The following DUSP16 variants were observed in gnomAD, a reference collection of about 807,000 sequenced individuals.
The protein encoded by DUSP16 is dual specificity protein phosphatase 16.
DUSP16 carries 21 observed loss-of-function variants against 58.3 expected under a neutral mutation model. The ratio of observed to expected loss-of-function variants is 0.36; its 90% CI spans 0.26 to 0.52. DUSP16 has a LOEUF of 0.52. Among genes scored for constraint, DUSP16 ranks in the 20% least tolerant of loss-of-function variants. DUSP16 has a pLI of 0.94. For missense variants in DUSP16, 726 were observed against 819.0 expected, an observed-to-expected ratio of 0.89 and a Z score of 1.39; for synonymous variants, 320 against 323.8, an observed-to-expected ratio of 0.99 and a Z score of 0.12.
At chr12:12,560,269 ATTT>A (rs573489527) in intron 1 of DUSP16, among the ~76,000 whole-genome samples, 2 of 152,278 alleles carry the variant, frequency 1.3e-5, no homozygotes, top group Admixed American at 1.3e-4. Context: ...CACAGTTTAC[ATTT>A]TTTATCTGAA....
chr12:12,513,124 C>G (rs1944102066), intron 3 of DUSP16, among the ~76,000 whole-genome samples: 2 of 152,176 alleles, frequency 1.3e-5, no homozygotes, highest in Admixed American at 1.3e-4. Context: ...TAGTTAAGTT[C>G]AACTCAAAAC....
At chr12:12,518,186 C>G (rs1944181656) in intron 3 of DUSP16, among the ~76,000 whole-genome samples, 1 of 152,310 alleles carries the variant, frequency 6.6e-6, no homozygotes, top group African/African-American at 2.4e-5. Flanking sequence ...GATAACCACT[C>G]TGTCACGAAG....
intron 6 of DUSP16, 121 bp downstream of exon 6, chr12:12,480,102 C>G: frequency 7.6e-7 from 1 of 1,323,812 alleles, no homozygotes; most frequent in Non-Finnish European, 1.0e-6. Flanking sequence ...TCCACAGTAA[C>G]CTGTAAAAAA....
rs754656718 is a variant in DUSP16, at chr12:12,477,054, G to T, written c.1777C>A (p.Gln593Lys). Reference sequence around the variant, plus strand: ...TGCCGCCTGCGCACAGAATAGACTTGGTCTCCGCAAGTGGGCAGCTGGCTG... The same window carrying T: ...TGCCGCCTGCGCACAGAATAGACTTTGTCTCCGCAAGTGGGCAGCTGGCTG... ...SCSQLPTCGDQVYSVRRRQKP... is the reference protein window; with the variant it reads ...SCSQLPTCGDKVYSVRRRQKP... The change falls in exon 7 of 7, where the codon CAA (glutamine) becomes AAA (lysine). Residue 593 changes from glutamine (Q) to lysine (K), a missense_variant. Transcript: ENST00000298573. The surrounding 1 kb of genome is among the most constrained non-coding windows in gnomAD (Gnocchi z 4.1). The T allele has an allele frequency of 1.9e-5, 30 of 1,614,136 alleles. No individual in the cohort carries two copies. Among genetic ancestry groups the T allele is most frequent in the African/African-American group, 4.0e-5 (3 of 74,946 alleles).
intron 1 of DUSP16, among the ~76,000 whole-genome samples, chr12:12,527,232 G>A (rs16908222): frequency 0.13 from 19,296 of 151,990 alleles, 1,301 homozygotes; most frequent in Middle Eastern, 0.16. Context: ...AAGATATACC[G>A]AAATGCCTTT....
chr12:12,519,560 GA>G (rs774870709), intron 3 of DUSP16, among the ~76,000 whole-genome samples: 13 of 151,706 alleles, frequency 8.6e-5, no homozygotes, highest in Non-Finnish European at 1.8e-4. Context: ...CAGGTGAATG[GA>G]AAAAGGCAGA....
rs1346085900 is a variant in DUSP16 at position 12,477,963 on chromosome 12, G to A, written c.868C>T (p.Gln290Ter). ...TISPNFNFLGQLLDYEKKIKN... is the reference protein window; with the variant it reads ...TISPNFNFLG ...ATCTTCTTCTCATAGTCCAGGAGTT[G>A]GCCCAGAAAATTGAAGTTTGGAGAT... Residue 290 changes from glutamine to a stop codon, truncating the protein, a stop_gained, in exon 7 of 7, where the codon CAA becomes TAA. Coordinates refer to ENST00000298573, the MANE Select transcript of DUSP16 (RefSeq NM_030640.3). LOFTEE classifies it high-confidence loss of function. This position sits in a 1 kb window ranked among gnomAD's most constrained non-coding sequence, Gnocchi z 4.1. 6.2e-7 allele frequency: 1 copy of A among 1,609,940 alleles called. No homozygotes were observed. The highest frequency in any genetic ancestry group is 8.5e-7 in the Non-Finnish European group (1 of 1,177,554).
chr12:12,557,897 T>TACCTTCC (rs1235092052), intron 1 of DUSP16, among the ~76,000 whole-genome samples: 1 of 152,194 alleles, frequency 6.6e-6, no homozygotes, highest in Admixed American at 6.5e-5. Flanking sequence ...GATGGGTGAA[T>TACCTTCC]ACCTTCCGCC....
At chr12:12,497,746 C>T (rs899131562) in intron 4 of DUSP16, among the ~76,000 whole-genome samples, 3 of 150,918 alleles carry the variant, frequency 2.0e-5, no homozygotes, top group Admixed American at 6.6e-5. Flanking sequence ...CTGAGGCGGG[C>T]GGATCACGAG....
At chr12:12,553,946 C>T (rs1201789060) in intron 1 of DUSP16, among the ~76,000 whole-genome samples, 2 of 152,024 alleles carry the variant, frequency 1.3e-5, no homozygotes, top group Non-Finnish European at 2.9e-5. Flanking sequence ...ACCTATAATC[C>T]TAGCACTTTG....
At chr12:12,485,786 C>CTT (rs749939375) in intron 5 of DUSP16, among the ~76,000 whole-genome samples, 242 of 107,610 alleles carry the variant, frequency 2.2e-3, no homozygotes, top group South Asian at 4.3e-3. Context: ...GCCAATTCCA[C>CTT]TTTTTTTTTT....
At chr12:12,508,878 A>G (rs777016217) in intron 3 of DUSP16, among the ~76,000 whole-genome samples, 1 of 152,194 alleles carries the variant, frequency 6.6e-6, no homozygotes, top group African/African-American at 2.4e-5. Flanking sequence ...CCAGCAGACA[A>G]ATCACTAAAC....
intron 3 of DUSP16, among the ~76,000 whole-genome samples, chr12:12,512,766 C>G (rs914222960): frequency 2.0e-5 from 3 of 152,094 alleles, no homozygotes; most frequent in Admixed American, 2.0e-4. Flanking sequence ...CCAAGAGCAG[C>G]CAGTTCCTTA....
chr12:12,479,893 T>C (rs1356233800), intron 6 of DUSP16, among the ~76,000 whole-genome samples: 3 of 152,210 alleles, frequency 2.0e-5, no homozygotes, highest in African/African-American at 7.2e-5. Flanking sequence ...CCCCCCATCA[T>C]ATGCAAATTA....
At chr12:12,522,639 C>G (rs1226804687) in intron 1 of DUSP16, among the ~76,000 whole-genome samples, 1 of 152,004 alleles carries the variant, frequency 6.6e-6, no homozygotes, top group African/African-American at 2.4e-5. Flanking sequence ...TCTCAGCTCA[C>G]TGCAACCCCT....
chr12:12,515,574 C>T (rs962877023), intron 3 of DUSP16, among the ~76,000 whole-genome samples: 1 of 151,912 alleles, frequency 6.6e-6, no homozygotes, highest in African/African-American at 2.4e-5. Context: ...GTGATCCGCC[C>T]GCCTCGGCCT....
At chr12:12,482,787 T>G (rs1182247891) in intron 5 of DUSP16, among the ~76,000 whole-genome samples, 1 of 152,146 alleles carries the variant, frequency 6.6e-6, no homozygotes, top group Non-Finnish European at 1.5e-5. Context: ...CAAACATAGC[T>G]CACTGTAACT....
At chr12:12,538,115 G>C (rs548820783) in intron 1 of DUSP16, among the ~76,000 whole-genome samples, 14 of 152,310 alleles carry the variant, frequency 9.2e-5, no homozygotes, top group African/African-American at 2.9e-4. Context: ...AGGAGGTTCA[G>C]AGAATCAGGC....
At chr12:12,546,569 A>T (rs151262809) in intron 1 of DUSP16, among the ~76,000 whole-genome samples, 1 of 152,222 alleles carries the variant, frequency 6.6e-6, no homozygotes, top group South Asian at 2.1e-4. Context: ...GTAATGGTCA[A>T]TCAAGACCTG....
Sources: gnomAD v4.1 joint callset for allele counts (sites outside exome capture counted in the v4.1 genomes callset) on GRCh38, gnomAD v4.1.1 for gene constraint, Gnocchi (gnomAD v3.1) non-coding constraint, MANE v1.5 for transcripts, NCBI Gene and HGNC (gene_info 2026-07-23, HGNC 2026-07-21) for gene names.